The following ADD2 variants were observed in gnomAD, a reference collection of about 807,000 sequenced individuals.
ADD2 encodes the protein adducin 2.
ADD2 carries 23 observed loss-of-function variants against 83.0 expected under a neutral mutation model. The observed-to-expected ratio is 0.28, with a 90% CI of 0.20 to 0.39. The LOEUF is 0.39. ADD2 is among the 10% of genes least tolerant of loss of function. The pLI, the probability that ADD2 is intolerant of heterozygous loss-of-function variation, is 1.00. For synonymous variants in ADD2, 375 were observed against 375.4 expected, an observed-to-expected ratio of 1.00 and a Z score of 0.01; for missense variants, 758 against 944.9, an observed-to-expected ratio of 0.80 and a Z score of 2.59.
At chr2:70,726,048 G>A (rs1001072651) in intron 1 of ADD2, among the ~76,000 whole-genome samples, 9 of 151,810 alleles carry the variant, frequency 5.9e-5, no homozygotes, top group Non-Finnish European at 8.8e-5. Flanking sequence ...TTAGCCGGGC[G>A]TAGTGGCAGG....
At position 70,672,975 on chromosome 2, in the gene ADD2, G is replaced by A. The variant is rs1669971851; in HGVS notation, c.1773C>T (p.Gly591=). 1 of 1,613,776 alleles carries A rather than the reference G, an allele frequency of 6.2e-7. No individual in the cohort carries two copies. Among genetic ancestry groups the A allele is most frequent in the African/African-American group, 1.3e-5 (1 of 74,912 alleles). The change falls in exon 15 of 16, where the codon GGC becomes GGT. Residue 591 remains glycine, a synonymous_variant. Transcript: ENST00000264436. ...GEKETAPEEP[G]SPAKSAPASP... ...AAGCAGGTGCAGACTTTGCAGGTGAGCCAGGCTCTTCTGGGGCAGTTTCTT... is the reference window on the plus strand; with the variant it reads ...AAGCAGGTGCAGACTTTGCAGGTGAACCAGGCTCTTCTGGGGCAGTTTCTT...
chr2:70,727,851 G>A (rs574780667), intron 1 of ADD2, among the ~76,000 whole-genome samples: 9 of 151,984 alleles, frequency 5.9e-5, no homozygotes, highest in East Asian at 3.9e-4. Context: ...AGCTGAGATC[G>A]TGCCACTGCA....
intron 14 of ADD2, 183 bp from the exon 15 acceptor site, chr2:70,673,189 A>C: frequency 1.3e-6 from 2 of 1,594,482 alleles, no homozygotes; most frequent in Non-Finnish European, 1.7e-6. Flanking sequence ...CTTCCCTGGG[A>C]AGGCCAATGG....
Position 70,678,764 on chromosome 2 carries a change from C to G in ADD2, c.1323G>C (p.Leu441=), listed in dbSNP as rs782698143. ...GGACCTCATCGGCCACATTGACCCGCAGGTAGGTGTTGGGCGTATTGAGCC... is the reference window on the plus strand; with the variant it reads ...GGACCTCATCGGCCACATTGACCCGGAGGTAGGTGTTGGGCGTATTGAGCC... The part of the protein sequence containing the change: ...TRWLNTPNTY[L]RVNVADEVQR... Residue 441 remains leucine (L), a synonymous_variant, in exon 11 of 16, where the codon CTG becomes CTC. Coordinates refer to ENST00000264436, the MANE Select transcript of ADD2 (RefSeq NM_001617.4). 1 of 1,610,746 alleles carries G rather than the reference C, an allele frequency of 6.2e-7. No individual in the cohort carries two copies. The highest frequency in any genetic ancestry group is 2.2e-5 in the East Asian group (1 of 44,858).
At chr2:70,733,079 A>G (rs1362497967) in intron 1 of ADD2, among the ~76,000 whole-genome samples, 1 of 152,226 alleles carries the variant, frequency 6.6e-6, no homozygotes, top group Non-Finnish European at 1.5e-5. Context: ...CAAGGATTAC[A>G]TGCTACAAAA....
intron 10 of ADD2, among the ~76,000 whole-genome samples, chr2:70,682,688 T>C (rs11893633): frequency 0.066 from 10,042 of 152,256 alleles, 558 homozygotes; most frequent in African/African-American, 0.15. Flanking sequence ...TGTTCTTGAA[T>C]TGTCACCTGT....
Position 70,704,360 on chromosome 2 carries a change from C to T in ADD2, c.283G>A (p.Ala95Thr). Residue 95 changes from alanine (A) to threonine (T), a missense_variant, in exon 4 of 16, where the codon GCC becomes ACC. Transcript: ENST00000264436. ...GGGAAGACTGCGTGGGAGGTGCTGG[C>T]CATGAAGTCCGCGATCTGTCGCAGG... ...WALRQIADFM[A>T]STSHAVFPTS... 6.7e-7 allele frequency: 1 copy of T among 1,484,076 alleles called. No homozygotes were observed. Among genetic ancestry groups the T allele is most frequent in the Non-Finnish European group, 9.1e-7 (1 of 1,099,778 alleles). The allele number at this position is 1,484,076 out of a possible 1,614,324, so 91.9% of individuals were successfully genotyped here. A position where few individuals can be genotyped will look rare whatever the true frequency, so the allele number is the denominator to read the frequency against.
chr2:70,726,624 T>A (rs1489175801), intron 1 of ADD2, among the ~76,000 whole-genome samples: 3 of 152,222 alleles, frequency 2.0e-5, no homozygotes, highest in Admixed American at 6.5e-5. Flanking sequence ...TTCAATGAAC[T>A]TGATGGAAAT....
chr2:70,687,069 T>C (rs11683431), intron 9 of ADD2: 1 of 152,320 alleles, frequency 6.6e-6, no homozygotes, highest in Non-Finnish European at 1.5e-5. Flanking sequence ...GGCCTCCATA[T>C]GTCAGTTGAG....
chr2:70,667,803 G>A (rs1669711711), intron 15 of ADD2, among the ~76,000 whole-genome samples: 1 of 152,156 alleles, frequency 6.6e-6, no homozygotes, highest in African/African-American at 2.4e-5. Flanking sequence ...ATTTTTAGTA[G>A]AGACAGGGTT....
chr2:70,761,896 C>T (rs1553385070), intron 1 of ADD2, among the ~76,000 whole-genome samples: 1 of 151,450 alleles, frequency 6.6e-6, no homozygotes, highest in Non-Finnish European at 1.5e-5. Flanking sequence ...TGGCCGATCT[C>T]CTGACCTCAC....
chr2:70,690,975 C>CT (rs1671001813), intron 7 of ADD2, 46 bp from the exon 8 acceptor site: 1 of 1,581,556 alleles, frequency 6.3e-7, no homozygotes, highest in East Asian at 2.2e-5. Context: ...CCTCCCTGCC[C>CT]TTTCCTCAGA....
intron 1 of ADD2, among the ~76,000 whole-genome samples, chr2:70,715,024 T>C (rs1255687424): frequency 6.6e-6 from 1 of 152,180 alleles, no homozygotes; most frequent in Non-Finnish European, 1.5e-5. Flanking sequence ...CAGAGCACCA[T>C]TCCTTGGGTT....
Position 70,706,395 on chromosome 2 carries a change from G to A in ADD2, c.14C>T (p.Thr5Met), listed in dbSNP as rs782403508. 4.4e-6 allele frequency: 7 copies of A among 1,606,928 alleles called. No homozygotes were observed. Among genetic ancestry groups the A allele is most frequent in the African/African-American group, 1.3e-5 (1 of 74,902 alleles). The part of the protein sequence containing the change: MSEE[T>M]VPEAASPPPP... ...CGGCGGCGAGGCAGCCTCGGGGACC[G>A]TCTCTTCGCTCATTTTCCCGGTGGG... The change falls in exon 3 of 16, where the codon ACG becomes ATG. Residue 5 changes from threonine to methionine, a missense_variant. Physicochemically the swap from Thr to Met is moderately conservative, Grantham distance 81. Coordinates refer to ENST00000264436, the MANE Select transcript of ADD2 (RefSeq NM_001617.4). This position sits in a 1 kb window ranked among gnomAD's most constrained non-coding sequence, Gnocchi z 5.0.
At chr2:70,719,440 A>G (rs912241652) in intron 1 of ADD2, among the ~76,000 whole-genome samples, 15 of 152,170 alleles carry the variant, frequency 9.9e-5, no homozygotes, top group African/African-American at 3.6e-4. Flanking sequence ...AGGGGGTCCT[A>G]ACCTCAAGGC....
At chr2:70,721,379 G>T (rs67594305) in intron 1 of ADD2, among the ~76,000 whole-genome samples, 40,979 of 151,926 alleles carry the variant, frequency 0.27, 6,070 homozygotes, top group East Asian at 0.56. Context: ...ATGACTCTAT[G>T]TCTTAGAAGC....
At position 70,690,921 on chromosome 2, in the gene ADD2, G is replaced by A. The variant is rs565459058; in HGVS notation, c.714C>T (p.Ala238=). The part of the protein sequence containing the change: ...LHTPATAAVS[A]MKWGLLPVSH... ...AGACAGGCAGGAGGCCCCACTTCAT[G>A]GCCGACACCTTAGAGAGACAATGGC... Residue 238 remains alanine, a synonymous_variant, in exon 8 of 16, where the codon GCC becomes GCT. Coordinates refer to ENST00000264436, the MANE Select transcript of ADD2 (RefSeq NM_001617.4). 1 of 1,612,170 alleles carries A rather than the reference G, an allele frequency of 6.2e-7. No homozygotes were observed. Among genetic ancestry groups the A allele is most frequent in the East Asian group, 2.2e-5 (1 of 44,854 alleles).
At chr2:70,683,011 TG>T (rs1241694294) in intron 10 of ADD2, among the ~76,000 whole-genome samples, 1 of 148,154 alleles carries the variant, frequency 6.7e-6, no homozygotes, top group Non-Finnish European at 1.5e-5. Flanking sequence ...CAGTTTTTAC[TG>T]GAGTATGACC....
At chr2:70,705,178 C>T (rs1671818574) in intron 3 of ADD2, among the ~76,000 whole-genome samples, 1 of 152,206 alleles carries the variant, frequency 6.6e-6, no homozygotes, top group South Asian at 2.1e-4. Context: ...GCCACCCCTC[C>T]TAGTCACACT....
Sources: gnomAD v4.1 joint callset for allele counts (sites outside exome capture counted in the v4.1 genomes callset) on GRCh38, gnomAD v4.1.1 for gene constraint, Gnocchi (gnomAD v3.1) non-coding constraint, MANE v1.5 for transcripts, NCBI Gene and HGNC (gene_info 2026-07-23, HGNC 2026-07-21) for gene names.